Variants in PAK3 observed in about 807,000 individuals in gnomAD.
PAK3 encodes the protein p21 (RAC1) activated kinase 3.
A neutral mutation model predicts 41.0 loss-of-function variants in PAK3; 4 were observed. The observed-to-expected ratio is 0.10, with a 90% CI of 0.05 to 0.22. The LOEUF (loss-of-function observed/expected upper bound fraction) is 0.22. Ranked by LOEUF, PAK3 falls within the 10% of genes least tolerant of loss-of-function variation. The pLI is 1.00. For synonymous variants in PAK3, 146 were observed against 139.6 expected (o/e 1.05, Z -0.32); for missense variants, 205 against 409.9 (o/e 0.50, Z 4.32).
chrX:111,027,056 G>T (rs1331491154), intron 1 of PAK3, among the ~76,000 whole-genome samples: 2 of 111,513 alleles, frequency 1.8e-5, no homozygotes, highest in African/African-American at 6.5e-5. Context: ...CATAAAGTGA[G>T]GAAAGGACAC....
At chrX:111,141,729 A>G (rs957281935) in intron 5 of PAK3, among the ~76,000 whole-genome samples, 2 of 112,151 alleles carry the variant, frequency 1.8e-5, no homozygotes, top group Non-Finnish European at 3.8e-5. Context: ...TTCTAATAGT[A>G]TGCCTTAGCT....
intron 1 of PAK3, among the ~76,000 whole-genome samples, chrX:110,959,612 G>A (rs937060463): frequency 2.7e-5 from 3 of 111,350 alleles, no homozygotes; most frequent in East Asian, 2.8e-4. Context: ...CTGGGTTTCC[G>A]TACTTTTTAG....
At chrX:111,215,407 C>T (rs931993179) in intron 16 of PAK3, among the ~76,000 whole-genome samples, 3 of 110,973 alleles carry the variant, frequency 2.7e-5, no homozygotes, top group Non-Finnish European at 5.7e-5. Context: ...AACATGGTGA[C>T]GCGTGCCTGT....
At chrX:111,186,029 A>G (rs761667933) in intron 11 of PAK3, among the ~76,000 whole-genome samples, 125 of 111,581 alleles carry the variant, frequency 1.1e-3, no homozygotes, top group Non-Finnish European at 1.9e-3. Flanking sequence ...CTTAAACAGA[A>G]CCAATGAGAA....
chrX:110,960,919 G>T (rs907323820), intron 1 of PAK3, among the ~76,000 whole-genome samples: 2 of 111,619 alleles, frequency 1.8e-5, no homozygotes, highest in African/African-American at 6.5e-5. Context: ...CTTCGTGGAT[G>T]TTAGTCCCTC....
Position 111,055,825 on chromosome X carries a change from G to A in PAK3, c.-27-67252G>A, listed in dbSNP as rs766926910. ...CAAATTCTGAGCAGAACAGAATCTT[G>A]AAGGAGCTGCTAAGATGACTCTAGT... is the stretch of plus-strand genomic sequence containing the variant. On this transcript the variant is annotated intron_variant, in intron 1 of 14. Coordinates refer to the PAK3 transcript ENST00000425146. Among the ~76,000 whole-genome samples the A allele has an allele frequency of 1.6e-4, 18 of 111,874 alleles. No individual in the cohort carries two copies. The South Asian group carries it at 6.8e-3, about 42-fold the overall frequency.
At chrX:111,181,804 A>T (rs1386457290) in intron 11 of PAK3, among the ~76,000 whole-genome samples, 1 of 106,566 alleles carries the variant, frequency 9.4e-6, no homozygotes, top group Admixed American at 1.0e-4. Context: ...TATAGAAGTG[A>T]TTCTTTGGGT....
At chrX:110,999,883 G>A (rs2091817352) in intron 1 of PAK3, among the ~76,000 whole-genome samples, 1 of 110,926 alleles carries the variant, frequency 9.0e-6, no homozygotes, top group Non-Finnish European at 1.9e-5. Context: ...CACGAGAATC[G>A]CTTGAACCAA....
intron 1 of PAK3, among the ~76,000 whole-genome samples, chrX:111,036,386 G>A (rs941356210): frequency 2.7e-5 from 3 of 112,405 alleles, no homozygotes; most frequent in Non-Finnish European, 5.6e-5. Flanking sequence ...TAAAAAAGAC[G>A]TTTAATTGAC....
intron 10 of PAK3, among the ~76,000 whole-genome samples, chrX:111,163,982 C>A (rs1358352862): frequency 9.0e-6 from 1 of 111,675 alleles, no homozygotes; most frequent in Non-Finnish European, 1.9e-5. Context: ...AATTAAGTAG[C>A]AAGTTTTAAG....
chrX:110,981,624 A>C (rs1180574445), intron 1 of PAK3, among the ~76,000 whole-genome samples: 1 of 110,502 alleles, frequency 9.0e-6, no homozygotes, highest in Non-Finnish European at 1.9e-5. Flanking sequence ...CATTTGGGGA[A>C]TCTGAGTGAG....
At chrX:110,968,104 A>G (rs1020075971) in intron 1 of PAK3, among the ~76,000 whole-genome samples, 2 of 112,041 alleles carry the variant, frequency 1.8e-5, no homozygotes, top group Non-Finnish European at 3.8e-5. Flanking sequence ...GAGACTAGCT[A>G]TTTTTACTCA....
intron 1 of PAK3, among the ~76,000 whole-genome samples, chrX:110,955,056 T>G (rs939291588): frequency 8.9e-6 from 1 of 111,979 alleles, no homozygotes; most frequent in Non-Finnish European, 1.9e-5. Context: ...TGTCTGATTC[T>G]CATTATCAAA....
At chrX:110,956,046 G>A (rs1378743220) in intron 1 of PAK3, among the ~76,000 whole-genome samples, 1 of 111,952 alleles carries the variant, frequency 8.9e-6, no homozygotes, top group African/African-American at 3.2e-5. Flanking sequence ...AATAATATTA[G>A]TACTTACCTC....
chrX:111,153,131 T>G (rs1374698005), intron 8 of PAK3, among the ~76,000 whole-genome samples: 1 of 112,248 alleles, frequency 8.9e-6, no homozygotes, highest in Admixed American at 9.5e-5. Context: ...CAGTGTACAC[T>G]TATAATATAA....
At chrX:111,212,479 G>A (rs2094832478) in intron 16 of PAK3, among the ~76,000 whole-genome samples, 1 of 111,306 alleles carries the variant, frequency 9.0e-6, no homozygotes, top group Admixed American at 9.6e-5. Flanking sequence ...GGACCTCAGA[G>A]TACATTTTCC....
intron 8 of PAK3, among the ~76,000 whole-genome samples, chrX:111,158,538 T>C (rs1431932271): frequency 9.0e-6 from 1 of 111,679 alleles, no homozygotes; most frequent in Non-Finnish European, 1.9e-5. Flanking sequence ...TACCAAAGAT[T>C]GCTATCCTTG....
chrX:111,058,689 T>G (rs1377700459), intron 1 of PAK3, among the ~76,000 whole-genome samples: 1 of 111,588 alleles, frequency 9.0e-6, no homozygotes, highest in Non-Finnish European at 1.9e-5. Flanking sequence ...ACTTATTGAG[T>G]TTTTTTCTTT....
intron 1 of PAK3, among the ~76,000 whole-genome samples, chrX:110,996,391 A>G (rs1245030086): frequency 8.9e-6 from 1 of 112,500 alleles, no homozygotes; most frequent in Admixed American, 9.4e-5. Flanking sequence ...CTTCAATTCT[A>G]GTGGAGGAGG....
Sources: allele counts gnomAD v4.1 joint callset (sites outside exome capture counted in the v4.1 genomes callset), GRCh38; gene constraint gnomAD v4.1.1; transcripts MANE v1.5; gene names NCBI Gene and HGNC (gene_info 2026-07-23, HGNC 2026-07-21).